Variants in KCNMA1 observed in about 807,000 individuals in gnomAD.
KCNMA1 encodes the protein potassium calcium-activated channel subfamily M alpha 1, also known as Calcium-activated potassium channel subunit alpha-1.
KCNMA1 carries 29 observed loss-of-function variants against 140.0 expected under a neutral mutation model. The observed-to-expected ratio is 0.21, with a 90% CI of 0.15 to 0.28. KCNMA1 has a LOEUF of 0.28. Ranked by LOEUF, KCNMA1 falls within the 10% of genes least tolerant of loss-of-function variation. KCNMA1 has a pLI of 1.00. For missense variants in KCNMA1, 880 were observed against 1,602.2 expected, an observed-to-expected ratio of 0.55 and a Z score of 7.70; for synonymous variants, 612 against 611.9, an observed-to-expected ratio of 1.00 and a Z score of 0.00.
intron 1 of KCNMA1, among the ~76,000 whole-genome samples, chr10:77,487,257 AT>A (rs921041316): frequency 1.3e-4 from 19 of 151,210 alleles, no homozygotes; most frequent in South Asian, 2.1e-4. Context: ...TAGGTAATAC[AT>A]TTTTTTTTGG....
At chr10:76,939,359 ATCCACCTGCCTTGGCC>A (rs1169631940) in intron 23 of KCNMA1, 2 of 152,078 alleles carry the variant, frequency 1.3e-5, no homozygotes, top group Non-Finnish European at 1.5e-5. Flanking sequence ...TGACCTTGTG[ATCCACCTGCCTTGGCC>A]TCCCAGAGTG....
intron 3 of KCNMA1, among the ~76,000 whole-genome samples, chr10:77,203,402 C>T (rs770216810): frequency 5.3e-5 from 8 of 152,178 alleles, no homozygotes; most frequent in Non-Finnish European, 1.0e-4. Flanking sequence ...TTTGAACACT[C>T]AACTCAGTGG....
At chr10:77,498,027 C>T (rs563914450) in intron 1 of KCNMA1, among the ~76,000 whole-genome samples, 1 of 152,232 alleles carries the variant, frequency 6.6e-6, no homozygotes, top group East Asian at 1.9e-4. Context: ...GCCTGGAAAA[C>T]CTGCCACAGC....
chr10:77,595,399 C>T (rs943649916), intron 1 of KCNMA1, among the ~76,000 whole-genome samples: 7 of 150,148 alleles, frequency 4.7e-5, no homozygotes, highest in Non-Finnish European at 8.9e-5. Context: ...GTCAAGTTTC[C>T]TCATAATTCT....
At position 77,092,377 on chromosome 10, in the gene KCNMA1, T is replaced by C. The variant is rs554786650; in HGVS notation, c.1224-1867A>G. Among the ~76,000 whole-genome samples, 12 of 152,324 alleles carry C rather than the reference T, an allele frequency of 7.9e-5. 1 individual carries two copies. The highest frequency in any genetic ancestry group is 2.9e-4 in the African/African-American group (12 of 41,566). On this transcript the variant is annotated intron_variant, in intron 9 of 27. Coordinates refer to ENST00000286628, the MANE Select transcript of KCNMA1 (RefSeq NM_001161352.2). ...TCAGACTTTGAATTTGCCAAATATG[T>C]TTGAAGTGAATGAGAAACAGAATTC...
chr10:77,227,203 T>C (rs1403163176), intron 3 of KCNMA1, among the ~76,000 whole-genome samples: 1 of 152,180 alleles, frequency 6.6e-6, no homozygotes, highest in Non-Finnish European at 1.5e-5. Context: ...TTTTCCCCAT[T>C]AAGTTCCCTG....
chr10:77,605,390 A>C (rs1460687039), intron 1 of KCNMA1, among the ~76,000 whole-genome samples: 1 of 152,220 alleles, frequency 6.6e-6, no homozygotes, highest in Non-Finnish European at 1.5e-5. Context: ...CCCATCTTTT[A>C]GGCGGCAAAA....
rs533798652 is a variant in KCNMA1, at chr10:76,924,118, A to G, written c.2903-9069T>C. 2.0e-5 allele frequency among the ~76,000 whole-genome samples: 3 copies of G among 152,360 alleles called. No homozygotes were observed. The East Asian group carries it at 5.8e-4, about 29-fold the overall frequency. ...TACTTCTAAAAATATGTGTACAGCCATAATTTCCTTACATTAAAAATTTGG... is the reference window on the plus strand; with the variant it reads ...TACTTCTAAAAATATGTGTACAGCCGTAATTTCCTTACATTAAAAATTTGG... On this transcript the variant is annotated intron_variant, in intron 23 of 27. Transcript: ENST00000286628.
chr10:77,495,263 C>G (rs1371458), intron 1 of KCNMA1, among the ~76,000 whole-genome samples: 10,843 of 152,294 alleles, frequency 0.071, 1,112 homozygotes, highest in East Asian at 0.5. Flanking sequence ...TTCCAGCCCC[C>G]ACGTTACCCC....
chr10:76,898,820 A>G (rs1193992916), intron 25 of KCNMA1, among the ~76,000 whole-genome samples: 2 of 151,998 alleles, frequency 1.3e-5, no homozygotes, highest in African/African-American at 2.4e-5. Context: ...CAACAGAATT[A>G]TAATAAGTAA....
intron 14 of KCNMA1, among the ~76,000 whole-genome samples, chr10:77,070,793 C>T (rs556860355): frequency 1.5e-4 from 23 of 151,880 alleles, no homozygotes; most frequent in Admixed American, 1.4e-3. Context: ...CTAAAGGAGA[C>T]GAAGATCTGG....
At chr10:77,299,699 G>A (rs900815075) in intron 2 of KCNMA1, among the ~76,000 whole-genome samples, 1 of 152,194 alleles carries the variant, frequency 6.6e-6, no homozygotes, top group African/African-American at 2.4e-5. Context: ...CAAGAAGACC[G>A]AGGGTCTGGA....
At chr10:76,941,186 AGGGAGGG>A in intron 23 of KCNMA1, among the ~76,000 whole-genome samples, 2 of 80,392 alleles carry the variant, frequency 2.5e-5, no homozygotes, top group African/African-American at 1.1e-4. Flanking sequence ...GAAGGAAGGG[AGGGAGGG>A]AGGGAAGGAG....
chr10:77,461,360 G>A (rs529391430), intron 1 of KCNMA1, among the ~76,000 whole-genome samples: 17 of 151,874 alleles, frequency 1.1e-4, no homozygotes, highest in African/African-American at 2.9e-4. Flanking sequence ...AACTTGTTTC[G>A]CTGTAGAATT....
Position 76,935,776 on chromosome 10 carries a change from C to T in KCNMA1, c.2902+8997G>A, listed in dbSNP as rs149513200. ...TCTCTGAAGCTAAGATTTCCCTTCA[C>T]GACAGTTGTCACAAGCCGGGCACAG... On this transcript the variant is annotated intron_variant, in intron 23 of 27. Coordinates refer to ENST00000286628, the MANE Select transcript of KCNMA1 (RefSeq NM_001161352.2). Among the ~76,000 whole-genome samples the T allele has an allele frequency of 7.6e-4, 116 of 152,316 alleles. 2 individuals carry two copies. In the East Asian group the frequency reaches 0.018, roughly 24 times the overall value.
At chr10:77,484,653 T>C (rs1322962894) in intron 1 of KCNMA1, among the ~76,000 whole-genome samples, 5 of 152,244 alleles carry the variant, frequency 3.3e-5, no homozygotes, top group African/African-American at 9.6e-5. Context: ...TGTATCTCCA[T>C]GGTTCTCAAT....
chr10:77,436,993 CA>C lies in KCNMA1; in HGVS notation c.379-32971del, dbSNP rs1300432864. Among the ~76,000 whole-genome samples the C allele has an allele frequency of 4.7e-5, 6 of 127,354 alleles. No individual in the cohort carries two copies. In the East Asian group the frequency reaches 1.6e-3, roughly 33 times the overall value. The allele number at this position is 127,354 out of a possible 152,430, so 83.5% of individuals were successfully genotyped here. On this transcript the variant is annotated intron_variant, in intron 1 of 27. Coordinates refer to ENST00000286628, the MANE Select transcript of KCNMA1 (RefSeq NM_001161352.2). ...ACACACACACACACACACACACACA[CA>C]CACTCCTTCAGCCAAAATGTTCCAC...
At chr10:77,498,343 T>C (rs1385699178) in intron 1 of KCNMA1, among the ~76,000 whole-genome samples, 1 of 152,194 alleles carries the variant, frequency 6.6e-6, no homozygotes, top group African/African-American at 2.4e-5. Flanking sequence ...GGGAATCACA[T>C]GGCAGATACA....
At chr10:77,212,069 C>T (rs2046263608) in intron 3 of KCNMA1, among the ~76,000 whole-genome samples, 1 of 152,132 alleles carries the variant, frequency 6.6e-6, no homozygotes, top group Admixed American at 6.5e-5. Context: ...TCAGAGCTAC[C>T]ATTCAACCCA....
Sources: gnomAD v4.1 joint callset for allele counts (sites outside exome capture counted in the v4.1 genomes callset) on GRCh38, gnomAD v4.1.1 for gene constraint, MANE v1.5 for transcripts, NCBI Gene and HGNC (gene_info 2026-07-23, HGNC 2026-07-21) for gene names.